The following GALNT14 variants were observed in gnomAD, a reference collection of about 807,000 sequenced individuals.
GALNT14 encodes the protein UDP-GalNAc:polypeptide N-acetylgalactosaminyltransferase 14.
A neutral mutation model predicts 77.5 loss-of-function variants in GALNT14; 60 were observed. The observed-to-expected ratio is 0.77, with a 90% CI of 0.63 to 0.96. The LOEUF (loss-of-function observed/expected upper bound fraction) is 0.96. Ranked by LOEUF, GALNT14 falls within the 40% of genes least tolerant of loss-of-function variation. The probability of loss-of-function intolerance (pLI) is 0.00; values close to 1 mark genes in which losing one functional copy is unlikely to be tolerated. For missense variants in GALNT14, 710 were observed against 731.0 expected, an observed-to-expected ratio of 0.97 and a Z score of 0.33; for synonymous variants, 280 against 281.7, an observed-to-expected ratio of 0.99 and a Z score of 0.06.
chr2:30,979,505 A>AGCTCTGG (rs1668854650), intron 2 of GALNT14, among the ~76,000 whole-genome samples: 1 of 152,136 alleles, frequency 6.6e-6, no homozygotes, highest in East Asian at 1.9e-4. Flanking sequence ...AAGAGACTCA[A>AGCTCTGG]CCACCACGCC....
chr2:30,948,557 T>C (rs542655202), intron 6 of GALNT14, among the ~76,000 whole-genome samples: 1 of 152,312 alleles, frequency 6.6e-6, no homozygotes, highest in East Asian at 1.9e-4. Flanking sequence ...GCGGGGAGCT[T>C]TACCCTTTGG....
intron 1 of GALNT14, among the ~76,000 whole-genome samples, chr2:31,093,454 C>T (rs922433825): frequency 2.0e-5 from 3 of 152,226 alleles, no homozygotes; most frequent in African/African-American, 7.2e-5. Context: ...CCAGTGTCCT[C>T]AGTCTCTTCC....
At chr2:30,892,780 C>T in the GALNT14 span, among the ~76,000 whole-genome samples, 2 of 152,314 alleles carry the variant, frequency 1.3e-5, no homozygotes, top group Non-Finnish European at 1.5e-5. Flanking sequence ...ACTTCTCCCA[C>T]TGCTGTGAGT....
chr2:31,002,205 G>A (rs1016536790), intron 1 of GALNT14, among the ~76,000 whole-genome samples: 13 of 152,072 alleles, frequency 8.5e-5, no homozygotes, highest in South Asian at 2.1e-4. Context: ...TGAGGTGGGC[G>A]GATTACTTGA....
At chr2:31,103,289 C>T (rs906678826) in intron 1 of GALNT14, among the ~76,000 whole-genome samples, 2 of 151,998 alleles carry the variant, frequency 1.3e-5, no homozygotes, top group East Asian at 3.9e-4. Flanking sequence ...ATAATCTTAA[C>T]CTATGTCTCT....
At chr2:30,906,900 G>T (rs1664159119), downstream of GALNT14, among the ~76,000 whole-genome samples, 2 of 152,164 alleles carry the variant, frequency 1.3e-5, no homozygotes, top group South Asian at 2.1e-4. Flanking sequence ...TCAGGATTAA[G>T]AATCTCACTC....
intron 1 of GALNT14, among the ~76,000 whole-genome samples, chr2:31,001,630 C>CA (rs1333591735): frequency 6.6e-6 from 1 of 151,960 alleles, no homozygotes; most frequent in African/African-American, 2.4e-5. Context: ...AACCACAATA[C>CA]AAAATTACCA....
At chr2:30,979,872 C>G (rs1486698274) in intron 2 of GALNT14, among the ~76,000 whole-genome samples, 1 of 152,186 alleles carries the variant, frequency 6.6e-6, no homozygotes, top group Admixed American at 6.5e-5. Flanking sequence ...CTCTCCCGCT[C>G]TTTTCATCTC....
At chr2:30,922,752 T>C (rs1423879195) in intron 13 of GALNT14, among the ~76,000 whole-genome samples, 1 of 152,262 alleles carries the variant, frequency 6.6e-6, no homozygotes, top group Non-Finnish European at 1.5e-5. Context: ...TACTACTTTC[T>C]AGCTTATTTT....
At chr2:31,045,112 G>A (rs1008946511) in intron 1 of GALNT14, among the ~76,000 whole-genome samples, 1 of 152,134 alleles carries the variant, frequency 6.6e-6, no homozygotes, top group Admixed American at 6.5e-5. Context: ...GAGAGGGTTA[G>A]GTATAAGGTG....
intron 1 of GALNT14, chr2:31,125,089 C>T: frequency 1.7e-6 from 2 of 1,167,364 alleles, no homozygotes; most frequent in East Asian, 2.6e-5. Context: ...CCACAGTACC[C>T]AGGGCCTGCT....
At chr2:31,131,845 A>G (rs571493555) in intron 1 of GALNT14, among the ~76,000 whole-genome samples, 1 of 152,298 alleles carries the variant, frequency 6.6e-6, no homozygotes, top group African/African-American at 2.4e-5. Flanking sequence ...GGCAGCCCTG[A>G]AAAAGGTTAG....
At chr2:30,946,408 G>A (rs543869818) in intron 6 of GALNT14, among the ~76,000 whole-genome samples, 9 of 152,234 alleles carry the variant, frequency 5.9e-5, no homozygotes, top group South Asian at 2.1e-4. Context: ...TGGTGATAGC[G>A]AGTATGTTCT....
intron 8 of GALNT14, among the ~76,000 whole-genome samples, chr2:30,942,529 T>C (rs11889673): frequency 0.12 from 17,855 of 152,248 alleles, 1,351 homozygotes; most frequent in Non-Finnish European, 0.16. Context: ...TTTCCTGTGA[T>C]TGTAAATCTC....
At chr2:30,954,668 T>C (rs187154083) in intron 6 of GALNT14, among the ~76,000 whole-genome samples, 9 of 152,348 alleles carry the variant, frequency 5.9e-5, no homozygotes, top group African/African-American at 2.2e-4. Flanking sequence ...CTTGATTCTT[T>C]AGTCCTCTTA....
At chr2:31,003,949 T>C (rs1276094016) in intron 1 of GALNT14, among the ~76,000 whole-genome samples, 1 of 152,232 alleles carries the variant, frequency 6.6e-6, no homozygotes, top group Non-Finnish European at 1.5e-5. Context: ...TGAGCTCTAA[T>C]GCTGATGTAT....
intron 1 of GALNT14, among the ~76,000 whole-genome samples, chr2:31,036,727 G>A (rs1366872689): frequency 1.3e-5 from 2 of 152,106 alleles, no homozygotes; most frequent in Admixed American, 6.6e-5. Flanking sequence ...ATTTGAGAAT[G>A]TTTTAATTTC....
intron 1 of GALNT14, among the ~76,000 whole-genome samples, chr2:31,117,964 T>C (rs1323867770): frequency 6.6e-6 from 1 of 152,218 alleles, no homozygotes; most frequent in Non-Finnish European, 1.5e-5. Context: ...TGGGAGGTTT[T>C]ATAGTGTGGC....
chr2:31,066,243 A>T (rs1281800557), intron 1 of GALNT14, among the ~76,000 whole-genome samples: 6 of 152,054 alleles, frequency 3.9e-5, no homozygotes, highest in Non-Finnish European at 7.4e-5. Flanking sequence ...GCCCCCCCAG[A>T]GGCCAGGGCA....
Sources: gnomAD v4.1 joint callset for allele counts (sites outside exome capture counted in the v4.1 genomes callset) on GRCh38, gnomAD v4.1.1 for gene constraint, MANE v1.5 for transcripts, NCBI Gene and HGNC (gene_info 2026-07-23, HGNC 2026-07-21) for gene names.